Variants in VIT observed in about 807,000 individuals in gnomAD.
The protein encoded by VIT is vitrin.
In VIT, 99 loss-of-function variants were observed where a neutral mutation model predicts 78.0. That is an observed-to-expected ratio of 1.27 (90% CI 1.08 to 1.50). The LOEUF is 1.50. Among genes scored for constraint, VIT ranks in the 40% most tolerant of loss-of-function variants. The pLI is 0.00. For missense variants in VIT, 1,126 were observed against 875.3 expected (o/e 1.29, Z -3.61); for synonymous variants, 374 against 334.3 (o/e 1.12, Z -1.29).
At chr2:36,699,626 G>GTAGGTAGATAGATAGA (rs372689790) in intron 1 of VIT, among the ~76,000 whole-genome samples, 6,234 of 141,920 alleles carry the variant, frequency 0.044, 155 homozygotes, top group Middle Eastern at 0.056. Context: ...AGATATATAG[G>GTAGGTAGATAGATAGA]TAGATAGATA....
At chr2:36,757,714 AT>A (rs1668853661) in intron 5 of VIT, among the ~76,000 whole-genome samples, 1 of 152,174 alleles carries the variant, frequency 6.6e-6, no homozygotes. Flanking sequence ...ACCAGAAGAA[AT>A]TTTTGCATCT....
chr2:36,761,634 G>T (rs1391571159), intron 6 of VIT, among the ~76,000 whole-genome samples: 5 of 152,104 alleles, frequency 3.3e-5, no homozygotes, highest in Non-Finnish European at 7.4e-5. Flanking sequence ...CAGCTACTCG[G>T]GAGGCTGAGG....
chr2:36,722,338 G>C (rs748511996), intron 2 of VIT, among the ~76,000 whole-genome samples: 5 of 152,188 alleles, frequency 3.3e-5, no homozygotes, highest in Non-Finnish European at 7.3e-5. Context: ...TGCAGCATTA[G>C]CCAAGGGGTT....
intron 2 of VIT, among the ~76,000 whole-genome samples, chr2:36,717,335 TGTGTGTGTGTGTGTG>T (rs1326722796): frequency 1.2e-3 from 2 of 1,622 alleles, no homozygotes; most frequent in African/African-American, 1.7e-3. Flanking sequence ...GCCTGGCTAA[TGTGTGTGTGTGTGTG>T]TGTGTGTGTG....
intron 7 of VIT, among the ~76,000 whole-genome samples, chr2:36,770,976 G>T (rs1339721560): frequency 6.6e-6 from 1 of 152,216 alleles, no homozygotes; most frequent in African/African-American, 2.4e-5. Context: ...CTAAGCGGGA[G>T]AAAGTGAAAT....
intron 3 of VIT, among the ~76,000 whole-genome samples, chr2:36,741,774 A>G (rs1667850823): frequency 6.6e-6 from 1 of 152,086 alleles, no homozygotes. Flanking sequence ...TTCAGTCTCC[A>G]CTTGCATACT....
chr2:36,808,305 CAG>C (rs1002002762), intron 14 of VIT, among the ~76,000 whole-genome samples, 165 bp from the exon 15 acceptor site: 1 of 152,216 alleles, frequency 6.6e-6, no homozygotes, highest in African/African-American at 2.4e-5. Flanking sequence ...GGCTTCGCCT[CAG>C]TGAGTGGCCG....
intron 7 of VIT, among the ~76,000 whole-genome samples, chr2:36,768,257 C>T (rs1470330801): frequency 2.0e-5 from 3 of 152,082 alleles, no homozygotes; most frequent in Non-Finnish European, 4.4e-5. Flanking sequence ...CATGGTGAAA[C>T]CCCATCTGTA....
intron 9 of VIT, among the ~76,000 whole-genome samples, chr2:36,777,719 CAT>C (rs747998086): frequency 2.0e-5 from 3 of 152,196 alleles, no homozygotes; most frequent in Non-Finnish European, 4.4e-5. Flanking sequence ...TGGAAAATCA[CAT>C]ATCTCTATTA....
At position 36,808,532 on chromosome 2, in the gene VIT, A is replaced by T. The variant is rs1666904981; in HGVS notation, c.1450A>T (p.Lys484Ter). Reference sequence around the variant, plus strand: ...CGTGCAGAGCTGGTTTGGCCTCCACAAGACCCTGCAGCCTCTGGTGAAGCG... The same window carrying T: ...CGTGCAGAGCTGGTTTGGCCTCCACTAGACCCTGCAGCCTCTGGTGAAGCG... ...LHVQSWFGLH[K>*]TLQPLVKRVC... is the part of the protein sequence containing the mutation. The change falls in exon 15 of 16, where the codon AAG becomes TAG. Residue 484 changes from lysine (K) to a stop codon, truncating the protein, a stop_gained. Transcript: ENST00000379242. LOFTEE classifies it high-confidence loss of function. 2 of 1,613,884 alleles carry T rather than the reference A, an allele frequency of 1.2e-6. No individual in the cohort carries two copies. Among genetic ancestry groups the T allele is most frequent in the Admixed American group, 3.3e-5 (2 of 60,012 alleles).
intron 12 of VIT, among the ~76,000 whole-genome samples, chr2:36,797,078 T>A (rs1328471259): frequency 6.7e-6 from 1 of 149,496 alleles, no homozygotes; most frequent in Non-Finnish European, 1.5e-5. Flanking sequence ...TTGTAGCCAA[T>A]ATGTTTTTTT....
intron 12 of VIT, chr2:36,787,906 T>C (rs1274701124): frequency 2.3e-6 from 1 of 442,634 alleles, no homozygotes; most frequent in Non-Finnish European, 4.5e-6. Context: ...TGCTCTATTA[T>C]TATACTTAGG....
intron 12 of VIT, among the ~76,000 whole-genome samples, chr2:36,798,094 A>C (rs1205153259): frequency 6.6e-6 from 1 of 152,202 alleles, no homozygotes; most frequent in East Asian, 1.9e-4. Flanking sequence ...TGAAAGAGAG[A>C]ATAAGAAAGA....
At chr2:36,808,440 C>G in intron 14 of VIT, 32 bp from the exon 15 acceptor site, 1 of 1,570,404 alleles carries the variant, frequency 6.4e-7, no homozygotes, top group Non-Finnish European at 8.7e-7. Flanking sequence ...TTGACCCTGA[C>G]GTGGCGTGGG....
intron 6 of VIT, among the ~76,000 whole-genome samples, chr2:36,763,861 T>C (rs1464369535): frequency 3.3e-5 from 5 of 152,160 alleles, no homozygotes. Context: ...AGTGCTAGGA[T>C]TACAGGCGTC....
At chr2:36,747,000 T>C (rs371094514) in intron 4 of VIT, among the ~76,000 whole-genome samples, 1 of 152,288 alleles carries the variant, frequency 6.6e-6, no homozygotes, top group South Asian at 2.1e-4. Flanking sequence ...GTATGTTGTG[T>C]CTCTATTTTC....
At chr2:36,704,322 A>C (rs1665274873) in intron 1 of VIT, among the ~76,000 whole-genome samples, 1 of 152,198 alleles carries the variant, frequency 6.6e-6, no homozygotes, top group Non-Finnish European at 1.5e-5. Context: ...ATGACAATTA[A>C]GTAAAATCAC....
At chr2:36,784,226 C>T (rs1015511072) in intron 11 of VIT, among the ~76,000 whole-genome samples, 18 of 152,172 alleles carry the variant, frequency 1.2e-4, no homozygotes, top group African/African-American at 4.1e-4. Context: ...CTGCATATTC[C>T]GCTAGAAAGT....
At chr2:36,776,953 G>A (rs529025179) in intron 9 of VIT, among the ~76,000 whole-genome samples, 7 of 150,158 alleles carry the variant, frequency 4.7e-5, no homozygotes, top group African/African-American at 1.7e-4. Flanking sequence ...GCCAGGCGTG[G>A]TGGCGGGCGC....
Sources: gnomAD v4.1 joint callset for allele counts (sites outside exome capture counted in the v4.1 genomes callset) on GRCh38, gnomAD v4.1.1 for gene constraint, MANE v1.5 for transcripts, NCBI Gene and HGNC (gene_info 2026-07-23, HGNC 2026-07-21) for gene names.